MLLT10: variants seen among roughly 807,000 people sequenced by gnomAD.
MLLT10 encodes the protein protein AF-10.
MLLT10 carries 30 observed loss-of-function variants against 129.1 expected under a neutral mutation model. That is an observed-to-expected ratio of 0.23 (90% CI 0.17 to 0.32). MLLT10 has a LOEUF of 0.32. MLLT10 is among the 10% of genes least tolerant of loss of function. The probability of loss-of-function intolerance (pLI) is 1.00; values close to 1 mark genes in which losing one functional copy is unlikely to be tolerated. For synonymous variants in MLLT10, 490 were observed against 446.4 expected, an observed-to-expected ratio of 1.10 and a Z score of -1.23; for missense variants, 1,119 against 1,268.3, an observed-to-expected ratio of 0.88 and a Z score of 1.79.
At chr10:21,611,840 G>T (rs1287198489) in intron 5 of MLLT10, among the ~76,000 whole-genome samples, 1 of 152,114 alleles carries the variant, frequency 6.6e-6, no homozygotes, top group Non-Finnish European at 1.5e-5. Context: ...TACCCGTATA[G>T]GATTCCTCAC....
At chr10:21,740,955 T>C (rs2058778601) in intron 22 of MLLT10, among the ~76,000 whole-genome samples, 1 of 152,188 alleles carries the variant, frequency 6.6e-6, no homozygotes, top group Admixed American at 6.5e-5. Context: ...GAATGGAGAC[T>C]GGACATCAGG....
intron 14 of MLLT10, among the ~76,000 whole-genome samples, chr10:21,715,842 C>T (rs1031189388): frequency 1.3e-5 from 2 of 152,252 alleles, no homozygotes; most frequent in Non-Finnish European, 2.9e-5. Context: ...TTTATCCCCT[C>T]TCCATGTTTC....
At chr10:21,669,109 T>C in intron 9 of MLLT10, 1 of 1,279,204 alleles carries the variant, frequency 7.8e-7, no homozygotes, top group Non-Finnish European at 1.0e-6. Flanking sequence ...TGGGATTTTT[T>C]TTTTCCTTTT....
chr10:21,536,867 C>G (rs2034119012), intron 2 of MLLT10, among the ~76,000 whole-genome samples: 1 of 152,166 alleles, frequency 6.6e-6, no homozygotes, highest in Non-Finnish European at 1.5e-5. Flanking sequence ...TCACCGCAAC[C>G]TCTGCATCCA....
At chr10:21,711,472 C>T (rs144002086) in intron 13 of MLLT10, among the ~76,000 whole-genome samples, 2 of 151,454 alleles carry the variant, frequency 1.3e-5, no homozygotes, top group African/African-American at 4.9e-5. Context: ...CGTGTGATGC[C>T]AGCACTTTGG....
chr10:21,675,724 A>G (rs1450820635), intron 11 of MLLT10, among the ~76,000 whole-genome samples: 1 of 152,228 alleles, frequency 6.6e-6, no homozygotes, highest in Non-Finnish European at 1.5e-5. Flanking sequence ...TACTGAGAAA[A>G]TAAAGCCTAG....
intron 3 of MLLT10, among the ~76,000 whole-genome samples, chr10:21,560,844 C>G (rs1228459467): frequency 6.6e-6 from 1 of 151,918 alleles, no homozygotes; most frequent in African/African-American, 2.4e-5. Flanking sequence ...ATACAAGCAT[C>G]TTTTCATCTG....
chr10:21,561,070 A>T (rs568508952), intron 3 of MLLT10, among the ~76,000 whole-genome samples: 2 of 152,250 alleles, frequency 1.3e-5, no homozygotes, highest in Admixed American at 1.3e-4. Context: ...GTTGAGAGTC[A>T]TGTCCTTTTA....
intron 4 of MLLT10, among the ~76,000 whole-genome samples, chr10:21,592,857 G>C (rs1278435029): frequency 1.3e-5 from 2 of 152,066 alleles, no homozygotes; most frequent in South Asian, 4.1e-4. Context: ...CTTCTGTTCT[G>C]GAAAATTTTT....
Position 21,704,355 on chromosome 10 carries a change from CTCTATATATATA to C in MLLT10, c.1700-9415_1700-9404del, listed in dbSNP as rs1384383553. On this transcript the variant is annotated intron_variant, in intron 13 of 22. Coordinates refer to ENST00000307729, the MANE Select transcript of MLLT10 (RefSeq NM_001195626.3). Reference sequence around the variant, plus strand: ...TCTCTCTCTCTCTCTCTCTCTCTCTCTCTATATATATATATATATATATATATAATTATTACT... The same window carrying C: ...TCTCTCTCTCTCTCTCTCTCTCTCTCTATATATATATATATAATTATTACT... Among the ~76,000 whole-genome samples, 166 of 70,436 alleles carry C rather than the reference CTCTATATATATA, an allele frequency of 2.4e-3. 1 individual carries two copies. In the East Asian group the frequency reaches 0.063, roughly 27 times the overall value. The allele number at this position is 70,436 out of a possible 152,430, so 46.2% of individuals were successfully genotyped here. A position where few individuals can be genotyped will look rare whatever the true frequency, so the allele number is the denominator to read the frequency against.
At chr10:21,732,308 A>C (rs1319197894) in intron 17 of MLLT10, among the ~76,000 whole-genome samples, 1 of 152,234 alleles carries the variant, frequency 6.6e-6, no homozygotes, top group Non-Finnish European at 1.5e-5. Flanking sequence ...GCCTGTTTAC[A>C]GGGGATGCGC....
intron 3 of MLLT10, among the ~76,000 whole-genome samples, chr10:21,556,125 G>A (rs549197560): frequency 2.6e-5 from 4 of 151,874 alleles, no homozygotes; most frequent in South Asian, 2.1e-4. Flanking sequence ...ACAGGCATGC[G>A]CCACCACACC....
rs775730413 is a variant in MLLT10 at position 21,742,009 on chromosome 10, C to T, written c.*26C>T. On this transcript the variant is annotated 3_prime_UTR_variant, in exon 23 of 23. Transcript: ENST00000307729. ...CACCTGAGAAACATCTAGAAATTGCCTATCCTGCTGTTCTAGCACTTCATC... is the reference window on the plus strand; with the variant it reads ...CACCTGAGAAACATCTAGAAATTGCTTATCCTGCTGTTCTAGCACTTCATC... The T allele has an allele frequency of 3.1e-6, 5 of 1,610,062 alleles. No individual in the cohort carries two copies. Among genetic ancestry groups the T allele is most frequent in the South Asian group, 2.2e-5 (2 of 90,710 alleles).
chr10:21,623,616 G>A (rs1214209706), intron 8 of MLLT10, among the ~76,000 whole-genome samples: 1 of 152,150 alleles, frequency 6.6e-6, no homozygotes, highest in African/African-American at 2.4e-5. Context: ...TAACACAAGT[G>A]ATACATAGAA....
chr10:21,658,621 GA>G (rs1370171277), intron 9 of MLLT10, among the ~76,000 whole-genome samples: 15 of 152,284 alleles, frequency 9.9e-5, no homozygotes, highest in East Asian at 5.8e-4. Context: ...CCAAGGAGTG[GA>G]ATGGTTGGGC....
chr10:21,644,692 A>G (rs2048321396), intron 8 of MLLT10, among the ~76,000 whole-genome samples: 1 of 152,090 alleles, frequency 6.6e-6, no homozygotes, highest in Non-Finnish European at 1.5e-5. Flanking sequence ...CCCAAGCTGG[A>G]GTGCAGTGGC....
chr10:21,736,708 G>C (rs1406132288), intron 21 of MLLT10, among the ~76,000 whole-genome samples: 2 of 152,176 alleles, frequency 1.3e-5, no homozygotes, highest in Non-Finnish European at 2.9e-5. Flanking sequence ...ATTTTGGAGA[G>C]AAAAATAGGT....
At chr10:21,654,896 C>T (rs1288044485) in intron 9 of MLLT10, among the ~76,000 whole-genome samples, 1 of 151,956 alleles carries the variant, frequency 6.6e-6, no homozygotes, top group Non-Finnish European at 1.5e-5. Flanking sequence ...TTGAAGGCTG[C>T]GCATGGTGGC....
chr10:21,737,995 C>T (rs1377029289), intron 21 of MLLT10, among the ~76,000 whole-genome samples: 3 of 152,058 alleles, frequency 2.0e-5, no homozygotes, highest in African/African-American at 7.2e-5. Context: ...GCTGGCCGGG[C>T]GTGGTGGCTC....
Sources: gnomAD v4.1 joint callset for allele counts (sites outside exome capture counted in the v4.1 genomes callset) on GRCh38, gnomAD v4.1.1 for gene constraint, MANE v1.5 for transcripts, NCBI Gene and HGNC (gene_info 2026-07-23, HGNC 2026-07-21) for gene names.